WDFY4: variants seen among roughly 807,000 people sequenced by gnomAD.
WDFY4 encodes WD repeat- and FYVE domain-containing protein 4.
A neutral mutation model predicts 351.9 loss-of-function variants in WDFY4; 169 were observed. The ratio of observed to expected loss-of-function variants is 0.48; its 90% confidence interval spans 0.42 to 0.55. WDFY4 has a LOEUF of 0.55. Among genes scored for constraint, WDFY4 ranks in the 20% least tolerant of loss-of-function variants. The pLI, the probability that WDFY4 is intolerant of heterozygous loss-of-function variation, is 0.00. For synonymous variants in WDFY4, 1,622 were observed against 1,574.6 expected (o/e 1.03, Z -0.71); for missense variants, 3,803 against 3,935.6 (o/e 0.97, Z 0.90).
At chr10:48,882,847 A>G (rs1044512015) in intron 43 of WDFY4, among the ~76,000 whole-genome samples, 14 of 152,238 alleles carry the variant, frequency 9.2e-5, no homozygotes, top group Non-Finnish European at 1.9e-4. Flanking sequence ...ACTTAAGGCC[A>G]CATGAGATTT....
At chr10:48,721,222 C>A in intron 3 of WDFY4, 39 bp from the exon 4 acceptor site, 4 of 1,534,736 alleles carry the variant, frequency 2.6e-6, no homozygotes, top group Non-Finnish European at 3.5e-6. Flanking sequence ...GCTGAGTGGG[C>A]AGGTCGCTGT....
chr10:48,938,504 G>T (rs1174910778), intron 47 of WDFY4, among the ~76,000 whole-genome samples: 1 of 152,226 alleles, frequency 6.6e-6, no homozygotes, highest in Non-Finnish European at 1.5e-5. Flanking sequence ...AAGAGCTCTT[G>T]GAACATGCCT....
intron 36 of WDFY4, 87 bp downstream of exon 36, chr10:48,826,996 T>A (rs2068030611): frequency 9.3e-7 from 1 of 1,077,264 alleles, no homozygotes; most frequent in African/African-American, 1.6e-5. Context: ...AGGACTGAGT[T>A]CTGTATAAAT....
chr10:48,964,817 C>A (rs1842006524), intron 54 of WDFY4, among the ~76,000 whole-genome samples: 1 of 152,220 alleles, frequency 6.6e-6, no homozygotes, highest in Non-Finnish European at 1.5e-5. Flanking sequence ...GATCCTTGAA[C>A]TGTGGTTGTG....
At position 48,820,247 on chromosome 10, in the gene WDFY4, A is replaced by G. The variant is rs913963029; in HGVS notation, c.5519A>G (p.Glu1840Gly). 2 of 1,551,526 alleles carry G rather than the reference A, an allele frequency of 1.3e-6. No homozygotes were observed. Among genetic ancestry groups the G allele is most frequent in the Non-Finnish European group, 1.7e-6 (2 of 1,146,992 alleles). ...PLGAQKGVGA[E>G]STRNTSSPEA... ...CTTGTCTTTGAGGGGGTTGGGGCTG[A>G]GTCCACCCGGAACACCAGCAGTCCT... The change falls in exon 33 of 62, where the codon GAG (glutamate) becomes GGG (glycine). Residue 1840 changes from glutamate to glycine, a missense_variant. This residue lies in a region of WDFY4 where 3,054 missense variants were observed against 3,148.6 expected (regional missense o/e 0.97). Coordinates refer to ENST00000325239, the MANE Select transcript of WDFY4 (RefSeq NM_001394531.1).
At chr10:48,840,005 C>T (rs556324902) in intron 39 of WDFY4, among the ~76,000 whole-genome samples, 3 of 152,338 alleles carry the variant, frequency 2.0e-5, no homozygotes, top group South Asian at 4.1e-4. Flanking sequence ...CCAGTCTGGC[C>T]TGAGAGCTCT....
chr10:48,861,401 A>G (rs1480584042), intron 39 of WDFY4, among the ~76,000 whole-genome samples: 2 of 152,094 alleles, frequency 1.3e-5, no homozygotes, highest in Admixed American at 1.3e-4. Context: ...AAATTCTCTT[A>G]ATTTTACTTT....
intron 58 of WDFY4, 182 bp downstream of exon 58, chr10:48,975,223 C>T (rs764563031): frequency 2.7e-5 from 21 of 771,436 alleles, no homozygotes; most frequent in East Asian, 1.1e-4. Flanking sequence ...CTTCAATGTC[C>T]GCTTCTTTAC....
At chr10:48,687,611 CTTTTT>C (rs57413418) in intron 1 of WDFY4, among the ~76,000 whole-genome samples, 44 of 101,288 alleles carry the variant, frequency 4.3e-4, no homozygotes, top group African/African-American at 9.9e-4. Flanking sequence ...ATAGGCCATT[CTTTTT>C]TTTTTTTTTT....
At chr10:48,888,151 G>GC (rs1173934715) in intron 43 of WDFY4, among the ~76,000 whole-genome samples, 1 of 152,106 alleles carries the variant, frequency 6.6e-6, no homozygotes, top group East Asian at 1.9e-4. Context: ...AATGGTGGTT[G>GC]CCCCTGGGGA....
chr10:48,968,171 T>C (rs1229872020), intron 55 of WDFY4: 6 of 152,222 alleles, frequency 3.9e-5, no homozygotes, highest in Non-Finnish European at 8.8e-5. Context: ...TGGAAGACAA[T>C]GGCCCTGCCC....
chr10:48,743,930 G>T (rs2064934866), intron 12 of WDFY4, among the ~76,000 whole-genome samples: 1 of 152,128 alleles, frequency 6.6e-6, no homozygotes, highest in Non-Finnish European at 1.5e-5. Flanking sequence ...TCCTCCCCAG[G>T]ATGCTGCCAG....
chr10:48,875,137 C>T lies in WDFY4; in HGVS notation c.6997C>T (p.Gln2333Ter), dbSNP rs1314134476. Residue 2333 changes from glutamine (Q) to a stop codon, truncating the protein, a stop_gained, in exon 42 of 62, where the codon CAA becomes TAA. Transcript: ENST00000325239. LOFTEE classifies it high-confidence loss of function. ...DHISQTNAEN[Q>*]DELTLREAEG... ...TATTTCTCAAACAAATGCTGAAAAC[C>T]AAGGTATTCAGTTTATCTATTTTTT... 8.8e-6 allele frequency: 13 copies of T among 1,469,414 alleles called. No homozygotes were observed. The highest frequency in any genetic ancestry group is 1.1e-5 in the Non-Finnish European group (12 of 1,105,664). 91.0% of individuals were successfully genotyped at this position (1,469,414 alleles called of 1,614,324 possible).
In WDFY4 at chr10:48,709,756, G is replaced by A. The variant is rs1338825966; in HGVS notation, c.24G>A (p.Lys8=). 6.4e-7 allele frequency: 1 copy of A among 1,552,048 alleles called. No individual in the cohort carries two copies. Among genetic ancestry groups the A allele is most frequent in the South Asian group, 1.2e-5 (1 of 84,056 alleles). Residue 8 remains lysine, a synonymous_variant, in exon 2 of 62, where the codon AAG becomes AAA. Transcript: ENST00000325239. Reference sequence around the variant, plus strand: ...GCATGGAGGCAGAAGATCTTTCAAAGGCTGAAGACAGAAATGAAGACCCAG... The same window carrying A: ...GCATGGAGGCAGAAGATCTTTCAAAAGCTGAAGACAGAAATGAAGACCCAG... MEAEDLS[K]AEDRNEDPGS...
Position 48,805,193 on chromosome 10 carries a change from G to A in WDFY4, c.4485-67G>A, listed in dbSNP as rs978978828. ...AAGCCTGGCTTGAAAAACCTTTTTA[G>A]CAGAAACACAGCAAATTTGGTTCAT... On this transcript the variant is annotated intron_variant, in intron 25 of 61. Transcript: ENST00000325239. The A allele has an allele frequency of 1.1e-5, 17 of 1,497,510 alleles. No individual in the cohort carries two copies. The African/African-American group carries it at 2.2e-4, about 20-fold the overall frequency. The allele number at this position is 1,497,510 out of a possible 1,614,324, so 92.8% of individuals were successfully genotyped here. A position where few individuals can be genotyped will look rare whatever the true frequency, so the allele number is the denominator to read the frequency against.
At chr10:48,819,964 A>C (rs1192909656) in intron 32 of WDFY4, among the ~76,000 whole-genome samples, 1 of 152,180 alleles carries the variant, frequency 6.6e-6, no homozygotes, top group Non-Finnish European at 1.5e-5. Flanking sequence ...TGCTCCTGGC[A>C]CATTCTGGAG....
chr10:48,726,082 G>A lies in WDFY4; in HGVS notation c.781+12G>A, dbSNP rs1232245010. On this transcript the variant is annotated intron_variant, in intron 6 of 61. Coordinates refer to ENST00000325239, the MANE Select transcript of WDFY4 (RefSeq NM_001394531.1). ...CCAGTACCTGCAGGGTATGGCCCGG[G>A]AAATTAGATGTGGGCTGTGGGCCAT... is the stretch of plus-strand genomic sequence containing the variant. 3.9e-6 allele frequency: 6 copies of A among 1,532,148 alleles called. No homozygotes were observed. The highest frequency in any genetic ancestry group is 5.3e-6 in the Non-Finnish European group (6 of 1,131,172). 94.9% of individuals were successfully genotyped at this position (1,532,148 alleles called of 1,614,324 possible).
chr10:48,729,604 T>G lies in WDFY4; in HGVS notation c.1129+15T>G. On this transcript the variant is annotated intron_variant, in intron 8 of 61. Coordinates refer to ENST00000325239, the MANE Select transcript of WDFY4 (RefSeq NM_001394531.1). Reference sequence around the variant, plus strand: ...TGAGGCATCTGGTGAGTCTTTCCTGTGTCTGGGTGACCGGAAGAGTCAGTG... The same window carrying G: ...TGAGGCATCTGGTGAGTCTTTCCTGGGTCTGGGTGACCGGAAGAGTCAGTG... 1 of 1,551,312 alleles carries G rather than the reference T, an allele frequency of 6.4e-7. No individual in the cohort carries two copies. The highest frequency in any genetic ancestry group is 2.4e-5 in the East Asian group (1 of 40,910).
rs576048193 is a variant in WDFY4, at chr10:48,876,634, A to G, written c.7001-399A>G. The stretch of plus-strand genomic sequence containing the variant: ...TTTACAATAAAAGGATATTGTTTCT[A>G]TCATGAGAAAAAACAGCAATATTCA... On this transcript the variant is annotated intron_variant, in intron 42 of 61. Coordinates refer to ENST00000325239, the MANE Select transcript of WDFY4 (RefSeq NM_001394531.1). 3.3e-5 allele frequency among the ~76,000 whole-genome samples: 5 copies of G among 152,290 alleles called. No individual in the cohort carries two copies. The South Asian group carries it at 1.0e-3, about 32-fold the overall frequency.
Sources: allele counts gnomAD v4.1 joint callset (sites outside exome capture counted in the v4.1 genomes callset), GRCh38; gene constraint gnomAD v4.1.1; regional missense constraint gnomAD v4.1.1; transcripts MANE v1.5; gene names NCBI Gene and HGNC (gene_info 2026-07-23, HGNC 2026-07-21).